Variants in COL4A2 observed in about 807,000 individuals in gnomAD.
The protein encoded by COL4A2 is collagen alpha-2(IV) chain.
A neutral mutation model predicts 200.2 loss-of-function variants in COL4A2; 99 were observed. The ratio of observed to expected loss-of-function variants is 0.49; its 90% CI spans 0.42 to 0.58. The LOEUF (loss-of-function observed/expected upper bound fraction) is 0.58, where lower values mean the gene tolerates loss of function less well. Among genes scored for constraint, COL4A2 ranks in the 20% least tolerant of loss-of-function variants. COL4A2 has a pLI of 0.00. For synonymous variants in COL4A2, 897 were observed against 900.6 expected (o/e 1.00, Z 0.07); for missense variants, 1,950 against 2,314.1 (o/e 0.84, Z 3.23).
chr13:110,473,275 A>G (rs2139513108), intron 29 of COL4A2, 125 bp downstream of exon 29: 1 of 809,796 alleles, frequency 1.2e-6, no homozygotes. Flanking sequence ...AGCCATGCGT[A>G]CCTTCTCCCA....
At chr13:110,452,328 AATTTTTTGT>A (rs1243133389) in intron 20 of COL4A2, among the ~76,000 whole-genome samples, 1 of 152,136 alleles carries the variant, frequency 6.6e-6, no homozygotes, top group Non-Finnish European at 1.5e-5. Context: ...ACGCCCGGCT[AATTTTTTGT>A]ATTTTTAATA....
At chr13:110,480,494 G>A (rs1195334380) in intron 31 of COL4A2, 104 bp downstream of exon 31, 3 of 1,246,884 alleles carry the variant, frequency 2.4e-6, no homozygotes, top group East Asian at 2.6e-5. Context: ...CCGTGGGGCT[G>A]GCCTCACACT....
At chr13:110,431,242 A>C (rs1437792082) in intron 10 of COL4A2, among the ~76,000 whole-genome samples, 2 of 152,186 alleles carry the variant, frequency 1.3e-5, no homozygotes, top group Admixed American at 6.5e-5. Context: ...TTACACAAGG[A>C]GCGATTTGGG....
chr13:110,342,705 A>G (rs1876512914), intron 3 of COL4A2, among the ~76,000 whole-genome samples: 1 of 152,150 alleles, frequency 6.6e-6, no homozygotes, highest in Non-Finnish European at 1.5e-5. Flanking sequence ...CCCACGAAAC[A>G]TGGCCTGGAG....
chr13:110,512,281 T>G lies in COL4A2; in HGVS notation c.*90T>G. 36 of 1,351,354 alleles carry G rather than the reference T, an allele frequency of 2.7e-5. No individual in the cohort carries two copies. Among genetic ancestry groups the G allele is most frequent in the Non-Finnish European group, 3.3e-5 (34 of 1,030,916 alleles). The allele number at this position is 1,351,354 out of a possible 1,614,324, so 83.7% of individuals were successfully genotyped here. ...CCAAAAATTGGTTTTATTTTTTTCTTAAAAAAAAAAAAGTCTACCAAAGGA... is the reference window on the plus strand; with the variant it reads ...CCAAAAATTGGTTTTATTTTTTTCTGAAAAAAAAAAAAGTCTACCAAAGGA... On this transcript the variant is annotated 3_prime_UTR_variant, in exon 48 of 48. Transcript: ENST00000360467.
intron 21 of COL4A2, chr13:110,457,665 G>T: frequency 1.5e-6 from 1 of 660,992 alleles, no homozygotes; most frequent in East Asian, 3.1e-5. Flanking sequence ...CTCTCCATCT[G>T]CCATCCTCGT....
chr13:110,421,059 G>C (rs1880230891), intron 4 of COL4A2, among the ~76,000 whole-genome samples: 1 of 152,176 alleles, frequency 6.6e-6, no homozygotes, highest in Admixed American at 6.5e-5. Flanking sequence ...ACACTTACTA[G>C]AATGGCTATA....
chr13:110,342,804 C>T (rs1006775343), intron 3 of COL4A2, among the ~76,000 whole-genome samples: 5 of 152,178 alleles, frequency 3.3e-5, no homozygotes, highest in African/African-American at 9.7e-5. Flanking sequence ...TGGAGACCCG[C>T]ACACCCGACT....
At chr13:110,470,171 C>T (rs909166149) in intron 28 of COL4A2, among the ~76,000 whole-genome samples, 1 of 152,198 alleles carries the variant, frequency 6.6e-6, no homozygotes, top group Non-Finnish European at 1.5e-5. Context: ...CCGCCTCAGC[C>T]TGCCAAAGTG....
At chr13:110,423,812 T>A (rs1469884480) in intron 4 of COL4A2, among the ~76,000 whole-genome samples, 2 of 152,184 alleles carry the variant, frequency 1.3e-5, no homozygotes, top group African/African-American at 4.8e-5. Context: ...GGGGCCTCTA[T>A]ACAGGAGTTG....
chr13:110,385,618 C>CAGTGTGTGGATGGACCGTGGT lies in COL4A2; in HGVS notation c.180+28066_180+28067insAGTGTGTGGATGGACCGTGGT, dbSNP rs1878685209. Among the ~76,000 whole-genome samples, 3 of 3,132 alleles carry CAGTGTGTGGATGGACCGTGGT rather than the reference C, an allele frequency of 9.6e-4. 1 individual carries two copies. The highest frequency in any genetic ancestry group is 1.8e-3 in the Non-Finnish European group (3 of 1,706). The allele number at this position is 3,132 out of a possible 152,430, so 2.1% of individuals were successfully genotyped here. ...GTTACAGTGTGTGGATAGGCCGTGGCTACAGTGTGTGGATAGGCCGTGGCT... is the reference window on the plus strand; with the variant it reads ...GTTACAGTGTGTGGATAGGCCGTGGCAGTGTGTGGATGGACCGTGGTTACAGTGTGTGGATAGGCCGTGGCT... On this transcript the variant is annotated intron_variant, in intron 4 of 47. Transcript: ENST00000360467.
intron 4 of COL4A2, among the ~76,000 whole-genome samples, chr13:110,394,211 G>A (rs1052408775): frequency 1.3e-5 from 2 of 152,196 alleles, no homozygotes; most frequent in African/African-American, 4.8e-5. Flanking sequence ...AAACATTGAT[G>A]TAGTGCTTAC....
chr13:110,327,097 G>GCTCGCCTGTC (rs1490252897), intron 3 of COL4A2, among the ~76,000 whole-genome samples: 1 of 152,078 alleles, frequency 6.6e-6, no homozygotes, highest in African/African-American at 2.4e-5. Context: ...GCTAACCTGG[G>GCTCGCCTGTC]CTAGCCTGTC....
chr13:110,443,298 TGAA>T (rs1566535907), intron 16 of COL4A2, among the ~76,000 whole-genome samples: 1 of 152,144 alleles, frequency 6.6e-6, no homozygotes, highest in African/African-American at 2.4e-5. Context: ...AACAGGCAAA[TGAA>T]GAACAGAAAG....
intron 4 of COL4A2, among the ~76,000 whole-genome samples, chr13:110,420,968 G>A (rs750414084): frequency 2.4e-4 from 37 of 152,228 alleles, no homozygotes; most frequent in African/African-American, 8.4e-4. Flanking sequence ...CTCTCTCAGC[G>A]GGGAAGCTGG....
intron 3 of COL4A2, among the ~76,000 whole-genome samples, chr13:110,349,694 A>G (rs1297719922): frequency 6.6e-6 from 1 of 152,142 alleles, no homozygotes; most frequent in Non-Finnish European, 1.5e-5. Flanking sequence ...CAAGGAATCT[A>G]GATTGTGCAT....
chr13:110,459,244 G>A (rs764788072), intron 22 of COL4A2: 33 of 285,372 alleles, frequency 1.2e-4, no homozygotes, highest in Middle Eastern at 9.5e-4. Context: ...GAAAGCACGT[G>A]TCCACACAAA....
At chr13:110,329,870 C>T (rs1173458827) in intron 3 of COL4A2, among the ~76,000 whole-genome samples, 2 of 152,120 alleles carry the variant, frequency 1.3e-5, no homozygotes, top group Non-Finnish European at 2.9e-5. Flanking sequence ...GCTCAGCACA[C>T]CCAGCAAAGT....
At chr13:110,333,661 C>T (rs1179520600) in intron 3 of COL4A2, among the ~76,000 whole-genome samples, 2 of 152,222 alleles carry the variant, frequency 1.3e-5, no homozygotes, top group Non-Finnish European at 2.9e-5. Flanking sequence ...CGTGGTCCTG[C>T]TCCCACACCC....
Sources: gnomAD v4.1 joint callset for allele counts (sites outside exome capture counted in the v4.1 genomes callset) on GRCh38, gnomAD v4.1.1 for gene constraint, MANE v1.5 for transcripts, NCBI Gene and HGNC (gene_info 2026-07-23, HGNC 2026-07-21) for gene names.